SQLE: variants seen among roughly 807,000 people sequenced by gnomAD.
SQLE encodes the protein squalene epoxidase.
SQLE carries 29 observed loss-of-function variants against 60.7 expected under a neutral mutation model. The observed-to-expected ratio is 0.48, with a 90% CI of 0.36 to 0.65. The LOEUF (loss-of-function observed/expected upper bound fraction) is 0.65, where lower values mean the gene tolerates loss of function less well. Among genes scored for constraint, SQLE ranks in the 30% least tolerant of loss-of-function variants. The probability of loss-of-function intolerance (pLI) is 0.00; values close to 1 mark genes in which losing one functional copy is unlikely to be tolerated. For missense variants in SQLE, 605 were observed against 684.1 expected (o/e 0.88, Z 1.29); for synonymous variants, 237 against 246.8 (o/e 0.96, Z 0.37).
At chr8:125,021,602 T>C in intron 10 of SQLE, 151 bp from the exon 11 acceptor site, 1 of 552,668 alleles carries the variant, frequency 1.8e-6, no homozygotes, top group Non-Finnish European at 3.0e-6. Flanking sequence ...TGTGACGTCC[T>C]CTAAAATGTA....
In SQLE at chr8:125,018,115, A is replaced by G. The variant is rs761057440; in HGVS notation, c.1261A>G (p.Met421Val). 6.2e-7 allele frequency: 1 copy of G among 1,613,880 alleles called. No homozygotes were observed. The highest frequency in any genetic ancestry group is 8.5e-7 in the Non-Finnish European group (1 of 1,179,810). Residue 421 changes from methionine (M) to valine (V), a missense_variant, in exon 8 of 11, where the codon ATG (methionine) becomes GTG (valine). Physicochemically the swap from Met to Val is conservative, Grantham distance 21. Transcript: ENST00000265896. ...GAGGCATCCACTTACTGGTGGAGGAATGACTGTTGCTTTTAAAGATATAAA... is the reference window on the plus strand; with the variant it reads ...GAGGCATCCACTTACTGGTGGAGGAGTGACTGTTGCTTTTAAAGATATAAA... ...NMRHPLTGGG[M>V]TVAFKDIKLW...
chr8:125,021,049 T>C (rs1476701198), intron 10 of SQLE, 178 bp downstream of exon 10: 2 of 533,092 alleles, frequency 3.8e-6, no homozygotes, highest in Admixed American at 3.1e-5. Flanking sequence ...CTGTTTTCTT[T>C]CTAGGGAACA....
chr8:125,002,887 G>T (rs1011324815), intron 1 of SQLE, among the ~76,000 whole-genome samples: 2 of 152,148 alleles, frequency 1.3e-5, no homozygotes, highest in African/African-American at 4.8e-5. Context: ...TCGGCCCAGT[G>T]TGGATTTCTA....
chr8:125,020,836 C>T lies in SQLE; in HGVS notation c.1497C>T (p.Gly499=), dbSNP rs774644528. Reference sequence around the variant, plus strand: ...GTTTTCTTTATTTCAAACTTGGTGGCGAATGTGTTGCGGGTCCTGTTGGGC... The same window carrying T: ...GTTTTCTTTATTTCAAACTTGGTGGTGAATGTGTTGCGGGTCCTGTTGGGC... ...KACFLYFKLG[G]ECVAGPVGLL... Residue 499 remains glycine (G), a synonymous_variant, in exon 10 of 11, where the codon GGC becomes GGT. Transcript: ENST00000265896. 8 of 1,613,294 alleles carry T rather than the reference C, an allele frequency of 5.0e-6. No homozygotes were observed. The highest frequency in any genetic ancestry group is 2.2e-5 in the East Asian group (1 of 44,876).
chr8:125,000,574 A>G (rs537926943), intron 1 of SQLE, among the ~76,000 whole-genome samples: 1 of 151,788 alleles, frequency 6.6e-6, no homozygotes, highest in South Asian at 2.1e-4. Flanking sequence ...CAGCTTCCCA[A>G]GGAGCTGGGA....
intron 7 of SQLE, among the ~76,000 whole-genome samples, chr8:125,015,107 T>C (rs1347913820): frequency 6.6e-6 from 1 of 152,232 alleles, no homozygotes; most frequent in Non-Finnish European, 1.5e-5. Flanking sequence ...CATATGTAAT[T>C]GTTACATCCT....
At position 125,021,736 on chromosome 8, in the gene SQLE, A is replaced by AT. The variant is rs779786398; in HGVS notation, c.1533-10dup. 4 of 1,557,002 alleles carry AT rather than the reference A, an allele frequency of 2.6e-6. No individual in the cohort carries two copies. Among genetic ancestry groups the AT allele is most frequent in the Non-Finnish European group, 2.6e-6 (3 of 1,147,716 alleles). Reference sequence around the variant, plus strand: ...TAGTTTCTGAGTCTTACCAATATGTATTTTTTTCTATTACAGATTGTCTCC... The same window carrying AT: ...TAGTTTCTGAGTCTTACCAATATGTATTTTTTTTCTATTACAGATTGTCTCC... On this transcript the variant is annotated splice_polypyrimidine_tract_variant and intron_variant, in intron 10 of 10. Coordinates refer to ENST00000265896, the MANE Select transcript of SQLE (RefSeq NM_003129.4).
At chr8:125,011,396 C>A in intron 6 of SQLE, 141 bp from the exon 7 acceptor site, 2 of 549,518 alleles carry the variant, frequency 3.6e-6, no homozygotes, top group Non-Finnish European at 6.1e-6. Context: ...ATAATTAGTT[C>A]TTGATTTATC....
chr8:125,012,837 TG>T (rs1815057272), intron 7 of SQLE, among the ~76,000 whole-genome samples: 1 of 152,198 alleles, frequency 6.6e-6, no homozygotes, highest in South Asian at 2.1e-4. Context: ...CTGCTAGACT[TG>T]TTTTCCAAAA....
Position 125,018,649 on chromosome 8 carries a change from T to TG in SQLE, c.1369dup (p.Ala457GlyfsTer19). ...TTTTTAGGCCAAAAAATCATTTTAC[T>TG]GGGCAAGAAAAACATCTCATTCCTT... On this transcript the variant is annotated frameshift_variant, in exon 9 of 11. Coordinates refer to ENST00000265896, the MANE Select transcript of SQLE (RefSeq NM_003129.4). LOFTEE classifies it high-confidence loss of function. The TG allele has an allele frequency of 6.2e-7, 1 of 1,600,610 alleles. No homozygotes were observed. Among genetic ancestry groups the TG allele is most frequent in the Non-Finnish European group, 8.5e-7 (1 of 1,176,412 alleles).
intron 9 of SQLE, chr8:125,019,143 C>T (rs1019262097): frequency 1.3e-4 from 22 of 170,842 alleles, no homozygotes; most frequent in Middle Eastern, 2.6e-3. Flanking sequence ...TTAATCTTGT[C>T]CCTGTTGAAA....
chr8:125,011,656 A>G, intron 7 of SQLE, 24 bp downstream of exon 7: 1 of 1,528,952 alleles, frequency 6.5e-7, no homozygotes, highest in African/African-American at 1.4e-5. Flanking sequence ...GGCTTATTTT[A>G]TAAAGGAATC....
chr8:125,018,785 A>G (rs1815152056), intron 9 of SQLE, 58 bp downstream of exon 9: 4 of 1,120,418 alleles, frequency 3.6e-6, no homozygotes, highest in Non-Finnish European at 3.8e-6. Context: ...AGCGTAGGAA[A>G]GGAATAAACA....
chr8:125,015,075 C>T (rs1815090926), intron 7 of SQLE, among the ~76,000 whole-genome samples: 1 of 152,144 alleles, frequency 6.6e-6, no homozygotes, highest in Non-Finnish European at 1.5e-5. Context: ...CTTTATATAT[C>T]TGAGTGCTCC....
At chr8:125,008,143 G>A (rs1418229454) in intron 4 of SQLE, among the ~76,000 whole-genome samples, 5 of 152,176 alleles carry the variant, frequency 3.3e-5, no homozygotes, top group Admixed American at 1.3e-4. Flanking sequence ...AGGCTGGAGT[G>A]CAATGGTGCG....
chr8:125,000,534 C>G (rs1193036303), intron 1 of SQLE, among the ~76,000 whole-genome samples: 1 of 152,170 alleles, frequency 6.6e-6, no homozygotes, highest in East Asian at 1.9e-4. Flanking sequence ...ACCTCCGCCT[C>G]CCTGGTTCAA....
At chr8:125,001,006 C>T (rs891578250) in intron 1 of SQLE, among the ~76,000 whole-genome samples, 1 of 152,054 alleles carries the variant, frequency 6.6e-6, no homozygotes, top group Non-Finnish European at 1.5e-5. Flanking sequence ...AGTCTATAAC[C>T]GCCTGATAAT....
chr8:125,003,942 C>T (rs1814906856), intron 2 of SQLE, among the ~76,000 whole-genome samples: 1 of 152,006 alleles, frequency 6.6e-6, no homozygotes, highest in East Asian at 1.9e-4. Context: ...AGCAAGCCCT[C>T]CCCTGTCTTT....
Position 125,018,153 on chromosome 8 carries a change from A to G in SQLE, c.1299A>G (p.Lys433=). Residue 433 remains lysine (K), a synonymous_variant, in exon 8 of 11, where the codon AAA becomes AAG. Transcript: ENST00000265896. ...TTAAAGATATAAAACTATGGAGAAA[A>G]CTGCTAAAGGGTATCCCTGACCTTT... ...VAFKDIKLWR[K]LLKGIPDLYD... is the part of the protein sequence containing the mutation. The G allele has an allele frequency of 6.2e-7, 1 of 1,613,854 alleles. No individual in the cohort carries two copies. The highest frequency in any genetic ancestry group is 8.5e-7 in the Non-Finnish European group (1 of 1,179,832).
Sources: allele counts gnomAD v4.1 joint callset (sites outside exome capture counted in the v4.1 genomes callset), GRCh38; gene constraint gnomAD v4.1.1; transcripts MANE v1.5; gene names NCBI Gene and HGNC (gene_info 2026-07-23, HGNC 2026-07-21).